Variants in OGDH observed in about 807,000 individuals in gnomAD.
OGDH encodes 2-oxoglutarate dehydrogenase complex component E1.
Under a neutral mutation model 116.6 loss-of-function variants are expected in OGDH, and 38 were observed. The ratio of observed to expected loss-of-function variants is 0.33; its 90% CI spans 0.25 to 0.43. The LOEUF (loss-of-function observed/expected upper bound fraction) is 0.43. Among genes scored for constraint, OGDH ranks in the 20% least tolerant of loss-of-function variants. OGDH has a pLI of 1.00. For missense variants in OGDH, 825 were observed against 1,357.2 expected (o/e 0.61, Z 6.16); for synonymous variants, 488 against 533.3 (o/e 0.92, Z 1.17).
rs540892723 is a variant in OGDH at position 44,698,536 on chromosome 7, C to T, written c.2430+273C>T. 1.6e-4 allele frequency among the ~76,000 whole-genome samples: 24 copies of T among 152,244 alleles called. No homozygotes were observed. The East Asian group carries it at 4.6e-3, about 29-fold the overall frequency. ...GCACAGAAACGCCATGTGAGCTCCTCAGCAAGGGCTCCTGCGGGATGCTTC... is the reference window on the plus strand; with the variant it reads ...GCACAGAAACGCCATGTGAGCTCCTTAGCAAGGGCTCCTGCGGGATGCTTC... On this transcript the variant is annotated intron_variant, in intron 18 of 22. Coordinates refer to ENST00000222673, the MANE Select transcript of OGDH (RefSeq NM_002541.4).
chr7:44,697,559 G>A lies in OGDH; in HGVS notation c.2180-45G>A. ...CCACCCACCCCCGCTGGGCCTACTG[G>A]CTGGTGTCCTGGACATGGTTTTCTC... On this transcript the variant is annotated intron_variant, in intron 16 of 22. Transcript: ENST00000222673. The surrounding 1 kb of genome is among the most constrained non-coding windows in gnomAD (Gnocchi z 6.0). 6.2e-7 allele frequency: 1 copy of A among 1,613,828 alleles called. No homozygotes were observed. Among genetic ancestry groups the A allele is most frequent in the Non-Finnish European group, 8.5e-7 (1 of 1,179,770 alleles).
At chr7:44,703,142 A>G (rs902518134) in intron 20 of OGDH, among the ~76,000 whole-genome samples, 20 of 151,728 alleles carry the variant, frequency 1.3e-4, no homozygotes, top group African/African-American at 4.4e-4. Flanking sequence ...ATAGCCAGGC[A>G]TGGTGGCTCA....
chr7:44,686,380 G>C (rs1007589794), intron 10 of OGDH, among the ~76,000 whole-genome samples: 1 of 152,126 alleles, frequency 6.6e-6, no homozygotes, highest in East Asian at 1.9e-4. Flanking sequence ...ATTTTTGTCA[G>C]TGCTCTTCTG....
intron 1 of OGDH, among the ~76,000 whole-genome samples, chr7:44,612,445 A>C (rs978496820): frequency 6.8e-6 from 1 of 147,074 alleles, no homozygotes; most frequent in African/African-American, 2.5e-5. Context: ...TGCAATGGGC[A>C]TGATCTCGGC....
intron 1 of OGDH, among the ~76,000 whole-genome samples, chr7:44,618,982 A>G (rs920624275): frequency 6.6e-6 from 1 of 152,306 alleles, no homozygotes; most frequent in African/African-American, 2.4e-5. Context: ...ACCTATCTAC[A>G]TGGTTATCTA....
chr7:44,666,282 T>C (rs1787181868), intron 4 of OGDH, among the ~76,000 whole-genome samples: 1 of 152,214 alleles, frequency 6.6e-6, no homozygotes, highest in Non-Finnish European at 1.5e-5. Flanking sequence ...CACATACATA[T>C]ATTATTGTCA....
chr7:44,632,621 T>A (rs1785490515), intron 2 of OGDH, among the ~76,000 whole-genome samples: 1 of 144,020 alleles, frequency 6.9e-6, no homozygotes, highest in Admixed American at 6.7e-5. Context: ...TTGTTGTTGT[T>A]GTTATTGTTG....
At chr7:44,615,360 A>G (rs1784731134) in intron 1 of OGDH, among the ~76,000 whole-genome samples, 1 of 152,088 alleles carries the variant, frequency 6.6e-6, no homozygotes, top group African/African-American at 2.4e-5. Flanking sequence ...CCTTGGTGAC[A>G]TCACCCTGCC....
chr7:44,629,819 A>G (rs1320254202), intron 2 of OGDH, among the ~76,000 whole-genome samples: 1 of 152,108 alleles, frequency 6.6e-6, no homozygotes, highest in Admixed American at 6.5e-5. Flanking sequence ...ACCTCAGGTG[A>G]TCCGACCGCC....
At chr7:44,676,200 C>T (rs1040189651) in intron 9 of OGDH, 51 bp downstream of exon 9, 1 of 1,613,888 alleles carries the variant, frequency 6.2e-7, no homozygotes. Flanking sequence ...CCCCATGTTC[C>T]AGCATGGAGT....
chr7:44,697,374 C>T lies in OGDH; in HGVS notation c.2056C>T (p.Arg686Cys), dbSNP rs753094576. 2 of 1,614,036 alleles carry T rather than the reference C, an allele frequency of 1.2e-6. No homozygotes were observed. Among genetic ancestry groups the T allele is most frequent in the Non-Finnish European group, 8.5e-7 (1 of 1,180,032 alleles). The change falls in exon 16 of 23, where the codon CGC (arginine) becomes TGC (cysteine). Residue 686 changes from arginine to cysteine, a missense_variant. Physicochemically the swap from Arg to Cys is radical, Grantham distance 180. Coordinates refer to ENST00000222673, the MANE Select transcript of OGDH (RefSeq NM_002541.4). This position sits in a 1 kb window ranked among gnomAD's most constrained non-coding sequence, Gnocchi z 6.0. ...QDVERGTFSH[R>C]HHVLHDQNVD... ...ACCTCTGTTGTCCTGTCTCAGCCACCGCCACCATGTGCTCCATGACCAGAA... is the reference window on the plus strand; with the variant it reads ...ACCTCTGTTGTCCTGTCTCAGCCACTGCCACCATGTGCTCCATGACCAGAA...
At chr7:44,674,597 C>T (rs777461916) in intron 7 of OGDH, 40 bp downstream of exon 7, 1 of 1,611,112 alleles carries the variant, frequency 6.2e-7, no homozygotes, top group Non-Finnish European at 8.5e-7. Flanking sequence ...TCTCACCATC[C>T]CTGTGGGCTG....
At chr7:44,633,252 CAAAAAAAAA>C (rs1163808681) in intron 2 of OGDH, among the ~76,000 whole-genome samples, 1 of 81,686 alleles carries the variant, frequency 1.2e-5, no homozygotes, top group Admixed American at 1.5e-4. Flanking sequence ...GACTCTGTGT[CAAAAAAAAA>C]AAAAAAAAAA....
intron 9 of OGDH, among the ~76,000 whole-genome samples, chr7:44,680,917 A>G (rs1787903764): frequency 6.6e-6 from 1 of 152,234 alleles, no homozygotes; most frequent in Non-Finnish European, 1.5e-5. Flanking sequence ...AAAATAACTA[A>G]CAATATTAAT....
At chr7:44,624,120 G>GTGAA (rs1188555034) in intron 1 of OGDH, among the ~76,000 whole-genome samples, 197 bp from the exon 2 acceptor site, 2 of 151,914 alleles carry the variant, frequency 1.3e-5, no homozygotes, top group Non-Finnish European at 2.9e-5. Flanking sequence ...TAGCACTCTT[G>GTGAA]TGAATACATT....
chr7:44,649,050 C>T (rs1370843237), intron 4 of OGDH, among the ~76,000 whole-genome samples: 1 of 151,992 alleles, frequency 6.6e-6, no homozygotes, highest in Non-Finnish European at 1.5e-5. Context: ...CCCTGTGCCT[C>T]TCCAGCCCCC....
chr7:44,607,761 C>T (rs1784409300), intron 1 of OGDH, among the ~76,000 whole-genome samples: 1 of 152,170 alleles, frequency 6.6e-6, no homozygotes, highest in South Asian at 2.1e-4. Flanking sequence ...AGTGCTGTGG[C>T]GCGATCTCGG....
chr7:44,641,437 G>A lies in OGDH; in HGVS notation c.223-3890G>A, dbSNP rs987688353. 3.6e-4 allele frequency among the ~76,000 whole-genome samples: 54 copies of A among 151,628 alleles called. 1 individual carries two copies. The highest frequency in any genetic ancestry group is 1.8e-3 in the Admixed American group (27 of 15,218). ...GACGGGGTTTCACTATGTTGGCCAG[G>A]CTGGTCTCGAACTCCTGATCTCAGG... On this transcript the variant is annotated intron_variant, in intron 2 of 22. Transcript: ENST00000222673.
At chr7:44,696,825 G>C (rs1297407910) in intron 14 of OGDH, 89 bp from the exon 15 acceptor site, 15 of 1,447,520 alleles carry the variant, frequency 1.0e-5, no homozygotes, top group East Asian at 2.5e-5. Context: ...AGTAAAGAAG[G>C]CTCCGCTCTT....
Sources: gnomAD v4.1 joint callset for allele counts (sites outside exome capture counted in the v4.1 genomes callset) on GRCh38, gnomAD v4.1.1 for gene constraint, Gnocchi (gnomAD v3.1) non-coding constraint, MANE v1.5 for transcripts, NCBI Gene and HGNC (gene_info 2026-07-23, HGNC 2026-07-21) for gene names.